Variants in NBAS observed in about 807,000 individuals in gnomAD.
NBAS encodes NAG/BC035112 fusion.
NBAS carries 219 observed loss-of-function variants against 302.5 expected under a neutral mutation model. That is an observed-to-expected ratio of 0.72 (90% CI 0.65 to 0.81). The LOEUF (loss-of-function observed/expected upper bound fraction) is 0.81, where lower values mean the gene tolerates loss of function less well. Ranked by LOEUF, NBAS falls within the 30% of genes least tolerant of loss-of-function variation. The pLI is 0.00. For synonymous variants in NBAS, 1,118 were observed against 1,021.6 expected (o/e 1.09, Z -1.80); for missense variants, 2,932 against 2,841.6 (o/e 1.03, Z -0.72).
the NBAS span, among the ~76,000 whole-genome samples, chr2:15,001,786 C>T: frequency 6.6e-6 from 1 of 152,086 alleles, no homozygotes; most frequent in Non-Finnish European, 1.5e-5. Context: ...CTTGTGGTCT[C>T]ACTGGCTCAG....
At position 15,264,311 on chromosome 2, in the gene NBAS, T is replaced by A. The variant is rs766026608; in HGVS notation, c.5724+11173A>T. Among the ~76,000 whole-genome samples the A allele has an allele frequency of 5.3e-5, 8 of 152,162 alleles. No homozygotes were observed. The South Asian group carries it at 8.3e-4, about 16-fold the overall frequency. ...TCTTCCCCAAGATTTACACCCCCTA[T>A]GAATTTAGAATCCACATGCTTTGCA... On this transcript the variant is annotated intron_variant, in intron 44 of 51. Coordinates refer to ENST00000281513, the MANE Select transcript of NBAS (RefSeq NM_015909.4).
the NBAS span, among the ~76,000 whole-genome samples, chr2:15,060,228 T>C: frequency 6.6e-6 from 1 of 152,148 alleles, no homozygotes; most frequent in African/African-American, 2.4e-5. Flanking sequence ...GACGTGGATT[T>C]GTGTCTCAAA....
At chr2:14,881,319 G>T in the NBAS span, among the ~76,000 whole-genome samples, 1 of 152,092 alleles carries the variant, frequency 6.6e-6, no homozygotes, top group Non-Finnish European at 1.5e-5. Context: ...GGTACACATA[G>T]ACATAAAATC....
intron 48 of NBAS, among the ~76,000 whole-genome samples, chr2:15,207,113 T>C (rs1423780374): frequency 6.6e-6 from 1 of 152,178 alleles, no homozygotes; most frequent in Non-Finnish European, 1.5e-5. Context: ...GGCTGTACCC[T>C]GCAGAGCCAC....
At chr2:15,190,127 A>T in intron 49 of NBAS, 137 bp downstream of exon 49, 1 of 975,018 alleles carries the variant, frequency 1.0e-6, no homozygotes, top group South Asian at 1.7e-5. Context: ...ACAATTTTAA[A>T]TTCCTCTAAA....
chr2:15,077,318 C>G, the NBAS span, among the ~76,000 whole-genome samples: 1 of 152,200 alleles, frequency 6.6e-6, no homozygotes, highest in South Asian at 2.1e-4. Context: ...CCCACCAGGT[C>G]CCTCCCTCAA....
intron 3 of NBAS, 89 bp from the exon 4 acceptor site, chr2:15,554,227 A>T: frequency 9.1e-7 from 1 of 1,098,336 alleles, no homozygotes; most frequent in Non-Finnish European, 1.4e-6. Flanking sequence ...ATAGAGAGAG[A>T]CACAGATTTT....
chr2:14,992,087 A>C, the NBAS span, among the ~76,000 whole-genome samples: 1 of 152,198 alleles, frequency 6.6e-6, no homozygotes, highest in African/African-American at 2.4e-5. Context: ...ACATTTTAGA[A>C]GCAGCAAGCT....
chr2:15,305,499 C>T lies in NBAS; in HGVS notation c.4797+2717G>A, dbSNP rs560551060. On this transcript the variant is annotated intron_variant, in intron 40 of 51. Transcript: ENST00000281513. ...TGGAATTTCACTCTTGTTGCCCAGG[C>T]GGAGTGCAACGGCGCGATCTCAGCT... Among the ~76,000 whole-genome samples, 14 of 145,224 alleles carry T rather than the reference C, an allele frequency of 9.6e-5. No homozygotes were observed. In the East Asian group the frequency reaches 1.4e-3, roughly 15 times the overall value.
At chr2:14,872,613 G>C in the NBAS span, among the ~76,000 whole-genome samples, 20 of 152,324 alleles carry the variant, frequency 1.3e-4, no homozygotes, top group East Asian at 2.1e-3. Flanking sequence ...TGAAGCTGCA[G>C]ACCTTTAGAC....
chr2:15,481,984 G>A (rs759264083), intron 12 of NBAS, among the ~76,000 whole-genome samples: 8 of 152,188 alleles, frequency 5.3e-5, no homozygotes, highest in Non-Finnish European at 1.0e-4. Context: ...ATACAGAGAA[G>A]CCAAAAAGAA....
At chr2:15,439,917 C>G (rs1337912429) in intron 21 of NBAS, among the ~76,000 whole-genome samples, 1 of 152,248 alleles carries the variant, frequency 6.6e-6, no homozygotes, top group Non-Finnish European at 1.5e-5. Flanking sequence ...ACACAGTTGT[C>G]TGAGATCAAA....
the NBAS span, among the ~76,000 whole-genome samples, chr2:14,978,144 A>G: frequency 6.6e-6 from 1 of 152,268 alleles, no homozygotes; most frequent in South Asian, 2.1e-4. Context: ...TCTTATAAAA[A>G]TTCCACGTAT....
At chr2:14,850,243 G>A in the NBAS span, among the ~76,000 whole-genome samples, 1 of 130,914 alleles carries the variant, frequency 7.6e-6, no homozygotes, top group South Asian at 2.2e-4. Flanking sequence ...GATCTACCAA[G>A]CAAATGGAAA....
chr2:14,990,329 C>A, the NBAS span, among the ~76,000 whole-genome samples: 1 of 150,512 alleles, frequency 6.6e-6, no homozygotes. Context: ...GAGACTGAGG[C>A]AGGAGAATCG....
intron 47 of NBAS, among the ~76,000 whole-genome samples, chr2:15,219,303 ATTTT>A (rs149822429): frequency 6.9e-5 from 10 of 144,164 alleles, no homozygotes; most frequent in Non-Finnish European, 3.0e-5. Context: ...CATTCTAGTA[ATTTT>A]TTTTTTTTCT....
intron 16 of NBAS, among the ~76,000 whole-genome samples, chr2:15,471,979 G>A (rs767223218): frequency 2.5e-4 from 38 of 152,196 alleles, no homozygotes; most frequent in Admixed American, 6.5e-5. Context: ...AAAACTAATT[G>A]AGACAAGACT....
the NBAS span, among the ~76,000 whole-genome samples, chr2:14,895,524 G>A: frequency 6.6e-6 from 1 of 152,252 alleles, no homozygotes; most frequent in South Asian, 2.1e-4. Flanking sequence ...GGATCACAAG[G>A]TCAGGAGATG....
chr2:15,383,619 A>C (rs1022513122), intron 28 of NBAS, among the ~76,000 whole-genome samples: 2 of 152,200 alleles, frequency 1.3e-5, no homozygotes, highest in Non-Finnish European at 2.9e-5. Flanking sequence ...AAAGGTAAAG[A>C]AGCTGTGAGT....
Sources: gnomAD v4.1 joint callset for allele counts (sites outside exome capture counted in the v4.1 genomes callset) on GRCh38, gnomAD v4.1.1 for gene constraint, MANE v1.5 for transcripts, NCBI Gene and HGNC (gene_info 2026-07-23, HGNC 2026-07-21) for gene names.